Variants in RALGAPA1 observed in about 807,000 individuals in gnomAD.
RALGAPA1 encodes ral GTPase-activating protein subunit alpha-1.
In RALGAPA1, 52 loss-of-function variants were observed where a neutral mutation model predicts 269.6. That is an observed-to-expected ratio of 0.19 (90% CI 0.15 to 0.24). The LOEUF is 0.24. Among genes scored for constraint, RALGAPA1 ranks in the 10% least tolerant of loss-of-function variants. The pLI is 1.00. For missense variants in RALGAPA1, 1,917 were observed against 3,013.9 expected, an observed-to-expected ratio of 0.64 and a Z score of 8.52; for synonymous variants, 817 against 1,008.3, an observed-to-expected ratio of 0.81 and a Z score of 3.60.
chr14:35,660,351 A>G (rs2063457236), intron 27 of RALGAPA1, among the ~76,000 whole-genome samples: 1 of 152,128 alleles, frequency 6.6e-6, no homozygotes, highest in South Asian at 2.1e-4. Flanking sequence ...GTGTTTCTAT[A>G]CACTAACAGT....
At chr14:35,577,538 A>C (rs570424934) in intron 37 of RALGAPA1, among the ~76,000 whole-genome samples, 24 of 152,268 alleles carry the variant, frequency 1.6e-4, no homozygotes, top group Admixed American at 1.5e-3. Flanking sequence ...CAGCCCCCAG[A>C]ACTGTGAGAA....
chr14:35,578,715 T>C (rs1378852225), intron 37 of RALGAPA1, among the ~76,000 whole-genome samples: 6 of 152,224 alleles, frequency 3.9e-5, no homozygotes, highest in East Asian at 1.9e-4. Context: ...AGCATAAAAA[T>C]AGAATTATCT....
intron 1 of RALGAPA1, among the ~76,000 whole-genome samples, chr14:35,783,203 A>G (rs1258539669): frequency 3.9e-5 from 6 of 152,178 alleles, no homozygotes; most frequent in Admixed American, 2.0e-4. Context: ...GGATAAGGAT[A>G]GACATATAGA....
At chr14:35,782,671 G>C (rs979335359) in intron 1 of RALGAPA1, among the ~76,000 whole-genome samples, 1 of 151,724 alleles carries the variant, frequency 6.6e-6, no homozygotes, top group Non-Finnish European at 1.5e-5. Flanking sequence ...TGATCCACCC[G>C]CCATGGCCTC....
Position 35,595,619 on chromosome 14 carries a change from C to T in RALGAPA1, c.7209+15G>A, listed in dbSNP as rs371696517. On this transcript the variant is annotated intron_variant, in intron 37 of 41. Transcript: ENST00000680220. ...TTATGAGCATTTTAATTTGAAAGCA[C>T]TTCTCAGCACTTACTTTTTTGGTCA... 1.6e-5 allele frequency: 26 copies of T among 1,605,422 alleles called. No homozygotes were observed. The African/African-American group carries it at 3.2e-4, about 20-fold the overall frequency.
intron 37 of RALGAPA1, among the ~76,000 whole-genome samples, chr14:35,592,894 T>C (rs149480688): frequency 6.6e-6 from 1 of 152,282 alleles, no homozygotes; most frequent in East Asian, 1.9e-4. Context: ...ATCACTAACA[T>C]TATAACCAAT....
chr14:35,783,272 C>T (rs988431011), intron 1 of RALGAPA1, among the ~76,000 whole-genome samples: 2 of 151,508 alleles, frequency 1.3e-5, no homozygotes, highest in East Asian at 3.9e-4. Context: ...AACTGATCAT[C>T]GACAAGGGTA....
At chr14:35,773,971 T>C (rs2074830649) in intron 3 of RALGAPA1, among the ~76,000 whole-genome samples, 1 of 152,136 alleles carries the variant, frequency 6.6e-6, no homozygotes, top group African/African-American at 2.4e-5. Context: ...AAGAGTGCAG[T>C]GGCACAATCA....
At chr14:35,580,631 C>A (rs577830830) in intron 37 of RALGAPA1, among the ~76,000 whole-genome samples, 1 of 152,072 alleles carries the variant, frequency 6.6e-6, no homozygotes, top group African/African-American at 2.4e-5. Flanking sequence ...AATATAAATG[C>A]TACATTTAAA....
At chr14:35,579,697 G>T (rs1345614087) in intron 37 of RALGAPA1, among the ~76,000 whole-genome samples, 1 of 151,088 alleles carries the variant, frequency 6.6e-6, no homozygotes, top group Non-Finnish European at 1.5e-5. Context: ...AGATAAACTT[G>T]CATTGAACCA....
chr14:35,623,943 C>A (rs991808599), intron 35 of RALGAPA1, among the ~76,000 whole-genome samples: 1 of 151,928 alleles, frequency 6.6e-6, no homozygotes, highest in African/African-American at 2.4e-5. Flanking sequence ...ATTAGCTGGG[C>A]GTGGTGGCGG....
intron 1 of RALGAPA1, among the ~76,000 whole-genome samples, chr14:35,802,563 T>C (rs2077054034): frequency 6.6e-6 from 1 of 152,090 alleles, no homozygotes. Context: ...AACGCCTTGT[T>C]CATGAATCAG....
intron 28 of RALGAPA1, among the ~76,000 whole-genome samples, chr14:35,658,639 T>C (rs2063347035): frequency 2.0e-5 from 3 of 152,080 alleles, no homozygotes; most frequent in South Asian, 4.1e-4. Flanking sequence ...AGCTTTTATT[T>C]CTTAAGACAT....
At chr14:35,552,618 G>T (rs892154407) in intron 39 of RALGAPA1, among the ~76,000 whole-genome samples, 7 of 151,750 alleles carry the variant, frequency 4.6e-5, no homozygotes, top group African/African-American at 1.7e-4. Context: ...GCAGATTTTG[G>T]TTGTAAATTT....
At chr14:35,639,022 A>G (rs575315835) in intron 31 of RALGAPA1, among the ~76,000 whole-genome samples, 1 of 152,360 alleles carries the variant, frequency 6.6e-6, no homozygotes, top group East Asian at 1.9e-4. Flanking sequence ...AACAGATTAA[A>G]AAAATAAAAC....
At chr14:35,658,806 T>C (rs565314301) in intron 28 of RALGAPA1, among the ~76,000 whole-genome samples, 1 of 151,992 alleles carries the variant, frequency 6.6e-6, no homozygotes, top group South Asian at 2.1e-4. Context: ...GGGTACCTGC[T>C]ACTGCATTTC....
chr14:35,748,468 C>T, intron 10 of RALGAPA1, 117 bp downstream of exon 10: 1 of 1,260,624 alleles, frequency 7.9e-7, no homozygotes, highest in Non-Finnish European at 1.0e-6. Flanking sequence ...CCCACCTCAG[C>T]CTCCTGAACA....
At chr14:35,762,127 C>T (rs991586696) in intron 5 of RALGAPA1, among the ~76,000 whole-genome samples, 1 of 152,156 alleles carries the variant, frequency 6.6e-6, no homozygotes, top group Non-Finnish European at 1.5e-5. Context: ...TGTTTTCCTT[C>T]TGGGGACCAT....
chr14:35,610,290 T>G (rs1359777930), intron 35 of RALGAPA1, among the ~76,000 whole-genome samples: 1 of 151,336 alleles, frequency 6.6e-6, no homozygotes, highest in Non-Finnish European at 1.5e-5. Flanking sequence ...TTTTTTCTTT[T>G]TTTTTTTTTT....
Sources: gnomAD v4.1 joint callset for allele counts (sites outside exome capture counted in the v4.1 genomes callset) on GRCh38, gnomAD v4.1.1 for gene constraint, MANE v1.5 for transcripts, NCBI Gene and HGNC (gene_info 2026-07-23, HGNC 2026-07-21) for gene names.